The following CAMK2D variants were observed in gnomAD, a reference collection of about 807,000 sequenced individuals.
The protein encoded by CAMK2D is calcium/calmodulin dependent protein kinase II delta, also known as calcium/calmodulin-dependent protein kinase type II subunit delta.
Under a neutral mutation model 84.0 loss-of-function variants are expected in CAMK2D, and 37 were observed. The ratio of observed to expected loss-of-function variants is 0.44; its 90% CI spans 0.34 to 0.58. The LOEUF is 0.58. Among genes scored for constraint, CAMK2D ranks in the 20% least tolerant of loss-of-function variants. The probability of loss-of-function intolerance (pLI) is 0.02; values close to 1 mark genes in which losing one functional copy is unlikely to be tolerated. For synonymous variants in CAMK2D, 202 were observed against 212.5 expected, an observed-to-expected ratio of 0.95 and a Z score of 0.43; for missense variants, 448 against 652.5, an observed-to-expected ratio of 0.69 and a Z score of 3.41.
At chr4:113,518,478 T>G (rs1262194911) in intron 8 of CAMK2D, among the ~76,000 whole-genome samples, 1 of 152,200 alleles carries the variant, frequency 6.6e-6, no homozygotes, top group African/African-American at 2.4e-5. Context: ...TCTAAATGTC[T>G]GAGATTGTTT....
intron 3 of CAMK2D, among the ~76,000 whole-genome samples, chr4:113,638,263 G>GGT (rs146289458): frequency 1.3e-5 from 2 of 152,036 alleles, no homozygotes; most frequent in Non-Finnish European, 2.9e-5. Flanking sequence ...TAGAAAGACA[G>GGT]GTGTGTGTGT....
At chr4:113,723,595 C>A (rs987709463) in intron 2 of CAMK2D, among the ~76,000 whole-genome samples, 1 of 152,184 alleles carries the variant, frequency 6.6e-6, no homozygotes, top group Non-Finnish European at 1.5e-5. Flanking sequence ...ACGCTATACT[C>A]CTTATCTGAA....
At chr4:113,568,012 A>G (rs562511023) in intron 4 of CAMK2D, among the ~76,000 whole-genome samples, 56 of 152,346 alleles carry the variant, frequency 3.7e-4, no homozygotes, top group Non-Finnish European at 4.9e-4. Flanking sequence ...CATAAGATTT[A>G]TTAATAAAAT....
At chr4:113,737,071 C>A (rs541705741) in intron 2 of CAMK2D, among the ~76,000 whole-genome samples, 6 of 152,270 alleles carry the variant, frequency 3.9e-5, no homozygotes, top group African/African-American at 1.4e-4. Flanking sequence ...AATGATCTAG[C>A]ACTTTCCTGT....
At chr4:113,543,451 C>T (rs1211169579) in intron 6 of CAMK2D, among the ~76,000 whole-genome samples, 1 of 150,520 alleles carries the variant, frequency 6.6e-6, no homozygotes, top group African/African-American at 2.5e-5. Context: ...GAACTCCTGG[C>T]CTCAAGCAAT....
At chr4:113,751,346 C>T (rs897275059) in intron 2 of CAMK2D, among the ~76,000 whole-genome samples, 1 of 152,218 alleles carries the variant, frequency 6.6e-6, no homozygotes, top group East Asian at 1.9e-4. Flanking sequence ...CATAATGTGG[C>T]ATATATCAAC....
intron 2 of CAMK2D, among the ~76,000 whole-genome samples, chr4:113,703,973 T>C (rs1007957622): frequency 1.3e-5 from 2 of 149,576 alleles, no homozygotes; most frequent in Non-Finnish European, 3.0e-5. Context: ...GGCAAAATGA[T>C]GGCTTCTTAA....
chr4:113,568,307 A>G lies in CAMK2D; in HGVS notation c.276-16211T>C, dbSNP rs150710185. ...TGAATTTGCCTATTCTAATTATTTC[A>G]TATAAGTGGAACCATTCAATATTTG... On this transcript the variant is annotated intron_variant, in intron 4 of 20. Transcript: ENST00000511664. Among the ~76,000 whole-genome samples, 487 of 152,284 alleles carry G rather than the reference A, an allele frequency of 3.2e-3. 11 individuals are homozygous for G. The highest frequency in any genetic ancestry group is 0.029 in the Admixed American group (441 of 15,292).
chr4:113,761,229 G>A lies in CAMK2D; in HGVS notation c.-161C>T. ...CGCGAGGGAGTGTGCGCAGGGGCGG[G>A]GCGGGAGGGGAGATGACCAGAAAGG... On this transcript the variant is annotated 5_prime_UTR_variant, in exon 1 of 21. Coordinates refer to ENST00000511664, the MANE Select transcript of CAMK2D (RefSeq NM_001321571.2). 6.0e-6 allele frequency: 9 copies of A among 1,489,484 alleles called. No homozygotes were observed. The highest frequency in any genetic ancestry group is 2.5e-5 in the East Asian group (1 of 40,404). The allele number at this position is 1,489,484 out of a possible 1,614,324, so 92.3% of individuals were successfully genotyped here.
At position 113,572,769 on chromosome 4, in the gene CAMK2D, A is replaced by G. The variant is rs143412705; in HGVS notation, c.276-20673T>C. 1.8e-3 allele frequency among the ~76,000 whole-genome samples: 272 copies of G among 152,338 alleles called. 1 individual carries two copies. Among genetic ancestry groups the G allele is most frequent in the African/African-American group, 6.3e-3 (260 of 41,580 alleles). ...AGCAGAACTACCATTCGACCCAGCAAAAGCAAATACATGGAATCAACCTAA... is the reference window on the plus strand; with the variant it reads ...AGCAGAACTACCATTCGACCCAGCAGAAGCAAATACATGGAATCAACCTAA... On this transcript the variant is annotated intron_variant, in intron 4 of 20. Transcript: ENST00000511664.
At chr4:113,644,255 T>C (rs2154296696) in intron 3 of CAMK2D, among the ~76,000 whole-genome samples, 1 of 152,316 alleles carries the variant, frequency 6.6e-6, no homozygotes, top group South Asian at 2.1e-4. Flanking sequence ...TTGGCTTAGA[T>C]GGTTACAAAT....
At chr4:113,722,721 C>T (rs72899834) in intron 2 of CAMK2D, among the ~76,000 whole-genome samples, 1 of 152,078 alleles carries the variant, frequency 6.6e-6, no homozygotes, top group Admixed American at 6.5e-5. Context: ...CAGCCAGAAC[C>T]CAGCTTTCCC....
intron 2 of CAMK2D, among the ~76,000 whole-genome samples, chr4:113,746,109 T>A (rs1037788950): frequency 9.2e-5 from 14 of 152,222 alleles, no homozygotes; most frequent in African/African-American, 3.4e-4. Flanking sequence ...CCTTTGCCTC[T>A]TTTATCCCCT....
chr4:113,548,603 C>A, intron 5 of CAMK2D: 1 of 896,622 alleles, frequency 1.1e-6, no homozygotes, highest in Admixed American at 2.1e-5. Context: ...GCCCTTTCCC[C>A]AGAAAAAAAA....
chr4:113,491,538 G>A (rs1228576181), intron 16 of CAMK2D, among the ~76,000 whole-genome samples: 3 of 151,854 alleles, frequency 2.0e-5, no homozygotes, highest in Non-Finnish European at 4.4e-5. Context: ...TGCTGGATTC[G>A]TTTTGCCAGT....
At chr4:113,596,419 C>T (rs543408891) in intron 4 of CAMK2D, among the ~76,000 whole-genome samples, 4 of 152,274 alleles carry the variant, frequency 2.6e-5, no homozygotes, top group African/African-American at 9.6e-5. Flanking sequence ...ATGGTAAATC[C>T]TTTCCAGAAG....
intron 2 of CAMK2D, among the ~76,000 whole-genome samples, chr4:113,751,642 C>T (rs901575946): frequency 2.0e-5 from 3 of 151,864 alleles, no homozygotes; most frequent in Non-Finnish European, 4.4e-5. Flanking sequence ...TGGTGGCACG[C>T]ACCTGTAATC....
chr4:113,559,951 G>A (rs776104270), intron 4 of CAMK2D, among the ~76,000 whole-genome samples: 3 of 152,138 alleles, frequency 2.0e-5, no homozygotes, highest in African/African-American at 7.2e-5. Context: ...GCCCCTATAC[G>A]ACAACAGGTT....
chr4:113,760,422 G>C lies in CAMK2D; in HGVS notation c.65+582C>G, dbSNP rs76788354. ...GGTGCAAAGAACAACACTGGATATAGGGCAAGGGGTTGGGTTCTGTTGGGT... is the reference window on the plus strand; with the variant it reads ...GGTGCAAAGAACAACACTGGATATACGGCAAGGGGTTGGGTTCTGTTGGGT... On this transcript the variant is annotated intron_variant, in intron 1 of 20. Coordinates refer to ENST00000511664, the MANE Select transcript of CAMK2D (RefSeq NM_001321571.2). Among the ~76,000 whole-genome samples, 223 of 152,300 alleles carry C rather than the reference G, an allele frequency of 1.5e-3. 3 individuals are homozygous for C. The East Asian group carries it at 0.03, about 21-fold the overall frequency.
Sources: allele counts gnomAD v4.1 joint callset (sites outside exome capture counted in the v4.1 genomes callset), GRCh38; gene constraint gnomAD v4.1.1; transcripts MANE v1.5; gene names NCBI Gene and HGNC (gene_info 2026-07-23, HGNC 2026-07-21).